Variants in MAGI2 observed in about 807,000 individuals in gnomAD.
MAGI2 encodes membrane associated guanylate kinase, WW and PDZ domain containing 2.
MAGI2 carries 35 observed loss-of-function variants against 133.3 expected under a neutral mutation model. That is an observed-to-expected ratio of 0.26 (90% CI 0.20 to 0.35). The LOEUF (loss-of-function observed/expected upper bound fraction) is 0.35. Ranked by LOEUF, MAGI2 falls within the 10% of genes least tolerant of loss-of-function variation. The pLI is 1.00. For synonymous variants in MAGI2, 729 were observed against 710.6 expected (o/e 1.03, Z -0.41); for missense variants, 1,636 against 1,863.4 (o/e 0.88, Z 2.25).
intron 9 of MAGI2, among the ~76,000 whole-genome samples, chr7:78,258,647 A>C (rs1251846118): frequency 1.3e-5 from 2 of 152,148 alleles, no homozygotes; most frequent in Admixed American, 1.3e-4. Context: ...AAATAATAAT[A>C]ATCCCTGGAA....
intron 3 of MAGI2, among the ~76,000 whole-genome samples, chr7:78,619,430 A>C (rs1807476492): frequency 6.6e-6 from 1 of 151,976 alleles, no homozygotes; most frequent in Non-Finnish European, 1.5e-5. Context: ...CAGAACAAAC[A>C]GTAAACAGGT....
intron 1 of MAGI2, among the ~76,000 whole-genome samples, chr7:79,303,200 C>T (rs10246925): frequency 0.016 from 2,448 of 152,098 alleles, 54 homozygotes; most frequent in African/African-American, 0.057. Context: ...ATTTGGGGTA[C>T]GATGTACACT....
At chr7:78,070,215 A>ATATATATC (rs1814428258) in intron 21 of MAGI2, among the ~76,000 whole-genome samples, 1 of 43,256 alleles carries the variant, frequency 2.3e-5, no homozygotes, top group South Asian at 1.3e-3. Flanking sequence ...ATATATATAT[A>ATATATATC]TATACACACA....
rs1835287645 is a variant in MAGI2 at position 79,277,144 on chromosome 7, T to C, written c.301+175876A>G. Reference sequence around the variant, plus strand: ...GAAAGAGTCAATTGATGCAGCAAAATGTGATTGCTTGTCTTATTTAAGAAA... The same window carrying C: ...GAAAGAGTCAATTGATGCAGCAAAACGTGATTGCTTGTCTTATTTAAGAAA... On this transcript the variant is annotated intron_variant, in intron 1 of 21. Transcript: ENST00000354212. Among the ~76,000 whole-genome samples the C allele has an allele frequency of 2.6e-5, 4 of 152,174 alleles. No individual in the cohort carries two copies. The South Asian group carries it at 8.3e-4, about 32-fold the overall frequency.
At position 78,806,315 on chromosome 7, in the gene MAGI2, G is replaced by A. The variant is rs115613711; in HGVS notation, c.419-179076C>T. Among the ~76,000 whole-genome samples the A allele has an allele frequency of 2.4e-3, 372 of 152,228 alleles. 3 individuals carry two copies. The highest frequency in any genetic ancestry group is 8.5e-3 in the African/African-American group (355 of 41,554). On this transcript the variant is annotated intron_variant, in intron 2 of 21. Transcript: ENST00000354212. ...AGGAACTTAATCTACACTGAAAGAT[G>A]TTTGTGCAAATGAAGTAGAATAATA...
intron 2 of MAGI2, among the ~76,000 whole-genome samples, chr7:78,783,796 T>C (rs1379067904): frequency 1.3e-5 from 2 of 152,184 alleles, no homozygotes; most frequent in Non-Finnish European, 1.5e-5. Context: ...CATTGTTAAA[T>C]AGCAAAATAA....
At chr7:79,130,154 CAAAAAA>C (rs370367894) in intron 1 of MAGI2, among the ~76,000 whole-genome samples, 1 of 120,450 alleles carries the variant, frequency 8.3e-6, no homozygotes, top group Non-Finnish European at 1.6e-5. Flanking sequence ...ACTCTCTCTA[CAAAAAA>C]AAAAAAAAAA....
intron 2 of MAGI2, among the ~76,000 whole-genome samples, chr7:78,944,494 A>G (rs899275065): frequency 2.0e-5 from 3 of 152,236 alleles, no homozygotes; most frequent in Non-Finnish European, 4.4e-5. Context: ...AAAAAGGTAT[A>G]TAGGGTCTGC....
At chr7:78,068,037 T>C (rs1331430281) in intron 21 of MAGI2, among the ~76,000 whole-genome samples, 1 of 152,208 alleles carries the variant, frequency 6.6e-6, no homozygotes, top group Non-Finnish European at 1.5e-5. Flanking sequence ...CCATAGAATG[T>C]GCAACAGTGG....
chr7:78,212,335 G>A (rs1469100696), intron 10 of MAGI2, among the ~76,000 whole-genome samples: 2 of 152,186 alleles, frequency 1.3e-5, no homozygotes, highest in Non-Finnish European at 2.9e-5. Context: ...GATGCAAAGA[G>A]TATCTTTGAT....
At chr7:78,719,251 A>C (rs1351347707) in intron 2 of MAGI2, among the ~76,000 whole-genome samples, 1 of 152,210 alleles carries the variant, frequency 6.6e-6, no homozygotes, top group African/African-American at 2.4e-5. Flanking sequence ...TTACATTCTA[A>C]TAAAATAAAC....
chr7:79,439,516 T>C (rs1848365164), intron 1 of MAGI2, among the ~76,000 whole-genome samples: 1 of 152,122 alleles, frequency 6.6e-6, no homozygotes, highest in African/African-American at 2.4e-5. Context: ...GTAGTAATGT[T>C]TACTCTTGTA....
chr7:78,870,332 T>C (rs1223497636), intron 2 of MAGI2, among the ~76,000 whole-genome samples: 2 of 142,376 alleles, frequency 1.4e-5, no homozygotes, highest in Non-Finnish European at 3.0e-5. Flanking sequence ...CTTGCCTGGG[T>C]GACAAAGTGA....
intron 2 of MAGI2, among the ~76,000 whole-genome samples, chr7:78,739,733 G>A (rs553893134): frequency 2.3e-3 from 356 of 152,170 alleles, no homozygotes; most frequent in South Asian, 0.019. Context: ...CTACGTAGGC[G>A]CACACCTCCT....
intron 1 of MAGI2, among the ~76,000 whole-genome samples, chr7:79,380,685 C>T (rs905640067): frequency 1.3e-5 from 2 of 151,706 alleles, no homozygotes. Flanking sequence ...TAAAAATCCA[C>T]TACAATTTTA....
Position 78,414,173 on chromosome 7 carries a change from G to A in MAGI2, c.1046-44960C>T, listed in dbSNP as rs1024276779. Among the ~76,000 whole-genome samples the A allele has an allele frequency of 7.9e-5, 12 of 152,072 alleles. No individual in the cohort carries two copies. The East Asian group carries it at 2.3e-3, about 29-fold the overall frequency. On this transcript the variant is annotated intron_variant, in intron 6 of 21. Coordinates refer to ENST00000354212, the MANE Select transcript of MAGI2 (RefSeq NM_012301.4). ...ATTCACTGAAGCATCATTTTAGTAA[G>A]TTGGCAACGACATAAATGCCCGTAA...
At chr7:78,902,634 A>C (rs1304850796) in intron 2 of MAGI2, 1 of 152,136 alleles carries the variant, frequency 6.6e-6, no homozygotes, top group East Asian at 1.9e-4. Flanking sequence ...ATTAAGGCAA[A>C]TTTCACATAC....
At chr7:78,242,783 A>G (rs184977584) in intron 10 of MAGI2, among the ~76,000 whole-genome samples, 77 of 152,110 alleles carry the variant, frequency 5.1e-4, no homozygotes, top group African/African-American at 1.7e-3. Flanking sequence ...ATTGTAAGTG[A>G]TTCTTTATCT....
chr7:79,380,956 A>C (rs941253742), intron 1 of MAGI2, among the ~76,000 whole-genome samples: 2 of 151,778 alleles, frequency 1.3e-5, no homozygotes, highest in Non-Finnish European at 2.9e-5. Flanking sequence ...ACTTGGTAAC[A>C]ATGGGCTACT....
Sources: gnomAD v4.1 joint callset for allele counts (sites outside exome capture counted in the v4.1 genomes callset) on GRCh38, gnomAD v4.1.1 for gene constraint, MANE v1.5 for transcripts, NCBI Gene and HGNC (gene_info 2026-07-23, HGNC 2026-07-21) for gene names.